The following EXT2 variants were observed in gnomAD, a reference collection of about 807,000 sequenced individuals.
The protein encoded by EXT2 is exostosin-2.
Under a neutral mutation model 81.6 loss-of-function variants are expected in EXT2, and 53 were observed. The ratio of observed to expected loss-of-function variants is 0.65; its 90% confidence interval spans 0.52 to 0.82. The LOEUF is 0.82. EXT2 is among the 40% of genes least tolerant of loss of function. The pLI, the probability that EXT2 is intolerant of heterozygous loss-of-function variation, is 0.00. For synonymous variants in EXT2, 320 were observed against 340.0 expected (o/e 0.94, Z 0.65); for missense variants, 774 against 910.2 (o/e 0.85, Z 1.93).
chr11:44,241,426 T>A (rs1208491563), intron 13 of EXT2, among the ~76,000 whole-genome samples: 1 of 152,230 alleles, frequency 6.6e-6, no homozygotes, highest in Non-Finnish European at 1.5e-5. Flanking sequence ...TATTAATATC[T>A]GTCAAATTAC....
chr11:44,181,216 C>G (rs1270644515), intron 8 of EXT2, among the ~76,000 whole-genome samples: 1 of 152,090 alleles, frequency 6.6e-6, no homozygotes, highest in African/African-American at 2.4e-5. Flanking sequence ...CCATTATCTT[C>G]TAAGTTTTTC....
chr11:44,182,649 C>G (rs984839500), intron 8 of EXT2, among the ~76,000 whole-genome samples: 2 of 152,128 alleles, frequency 1.3e-5, no homozygotes, highest in African/African-American at 4.8e-5. Context: ...TCCTTTTTCT[C>G]TGGGTACATG....
At chr11:44,217,015 C>T (rs747271427) in intron 10 of EXT2, among the ~76,000 whole-genome samples, 4 of 147,946 alleles carry the variant, frequency 2.7e-5, no homozygotes, top group South Asian at 2.3e-4. Context: ...GTGACCCACC[C>T]GAGGCCTCAC....
At chr11:44,119,122 A>AT (rs1163191238) in intron 4 of EXT2, among the ~76,000 whole-genome samples, 1 of 45,452 alleles carries the variant, frequency 2.2e-5, no homozygotes, top group African/African-American at 8.0e-5. Flanking sequence ...ACATTTGGCT[A>AT]TTTATATATA....
intron 9 of EXT2, among the ~76,000 whole-genome samples, chr11:44,201,556 C>T (rs894764737): frequency 6.6e-6 from 1 of 152,122 alleles, no homozygotes; most frequent in African/African-American, 2.4e-5. Flanking sequence ...AGCTCATGCC[C>T]TTTGCACTAA....
intron 8 of EXT2, among the ~76,000 whole-genome samples, chr11:44,174,662 A>G (rs976078454): frequency 2.6e-5 from 4 of 152,184 alleles, no homozygotes. Context: ...ATATACAATT[A>G]TATCTACAAA....
In EXT2 at chr11:44,220,972, A is replaced by G. The variant is rs1341509435; in HGVS notation, c.1663-11381A>G. ...ACATTGAAATAACATCTGATCATTGAAAAAAAGCACCTAGTTGGGAATTAC... is the reference window on the plus strand; with the variant it reads ...ACATTGAAATAACATCTGATCATTGGAAAAAAGCACCTAGTTGGGAATTAC... On this transcript the variant is annotated intron_variant, in intron 10 of 13. Coordinates refer to ENST00000533608, the MANE Select transcript of EXT2 (RefSeq NM_207122.2). This position sits in a 1 kb window ranked among gnomAD's most constrained non-coding sequence, Gnocchi z 4.4. Among the ~76,000 whole-genome samples the G allele has an allele frequency of 1.3e-5, 2 of 152,178 alleles. No individual in the cohort carries two copies. The highest frequency in any genetic ancestry group is 2.9e-5 in the Non-Finnish European group (2 of 68,032).
At chr11:44,132,948 A>G (rs1449967421) in intron 7 of EXT2, among the ~76,000 whole-genome samples, 1 of 152,170 alleles carries the variant, frequency 6.6e-6, no homozygotes, top group Non-Finnish European at 1.5e-5. Flanking sequence ...TAGATATGAG[A>G]TTATCTGGTT....
intron 9 of EXT2, among the ~76,000 whole-genome samples, chr11:44,203,493 G>A (rs976878586): frequency 6.6e-5 from 10 of 152,284 alleles, no homozygotes; most frequent in South Asian, 6.2e-4. Flanking sequence ...CCCCAGGAGT[G>A]TTATTGAACT....
At chr11:44,230,982 G>A (rs11603056) in intron 10 of EXT2, among the ~76,000 whole-genome samples, 2,379 of 152,154 alleles carry the variant, frequency 0.016, 35 homozygotes, top group Non-Finnish European at 0.025. Flanking sequence ...ATATATTTAG[G>A]GAAATCGATG....
At chr11:44,227,406 A>T (rs945191608) in intron 10 of EXT2, among the ~76,000 whole-genome samples, 43 of 152,254 alleles carry the variant, frequency 2.8e-4, no homozygotes, top group African/African-American at 1.0e-3. Context: ...GAGGAGGAAG[A>T]TAAAAAATCT....
intron 9 of EXT2, 144 bp from the exon 10 acceptor site, chr11:44,206,648 TC>T: frequency 1.3e-6 from 1 of 764,170 alleles, no homozygotes; most frequent in Non-Finnish European, 2.1e-6. Flanking sequence ...TGTGAGAATC[TC>T]CCCTGACACA....
At chr11:44,175,826 T>C (rs1565222793) in intron 8 of EXT2, among the ~76,000 whole-genome samples, 1 of 152,136 alleles carries the variant, frequency 6.6e-6, no homozygotes. Flanking sequence ...GGAGGAAGAT[T>C]GGCAGACTAG....
chr11:44,130,583 C>T (rs1429058384), intron 7 of EXT2, among the ~76,000 whole-genome samples: 1 of 152,224 alleles, frequency 6.6e-6, no homozygotes, highest in Non-Finnish European at 1.5e-5. Context: ...TCTTCTGGAA[C>T]ATTTGCCATT....
intron 1 of EXT2, among the ~76,000 whole-genome samples, chr11:44,099,089 C>A (rs1953945119): frequency 6.6e-6 from 1 of 152,162 alleles, no homozygotes; most frequent in African/African-American, 2.4e-5. Context: ...GCAGCCTCAA[C>A]CTCCCGGGTT....
chr11:44,186,311 A>G (rs1318791754), intron 8 of EXT2, among the ~76,000 whole-genome samples: 1 of 152,222 alleles, frequency 6.6e-6, no homozygotes, highest in Non-Finnish European at 1.5e-5. Flanking sequence ...TATTAAAAGT[A>G]TCAGCATATG....
intron 4 of EXT2, among the ~76,000 whole-genome samples, chr11:44,123,108 C>G (rs1450604274): frequency 6.6e-6 from 1 of 152,208 alleles, no homozygotes; most frequent in Non-Finnish European, 1.5e-5. Flanking sequence ...ACTAGTCTAG[C>G]TGGCTAGGCA....
intron 7 of EXT2, among the ~76,000 whole-genome samples, chr11:44,145,098 A>G (rs1189450996): frequency 6.6e-6 from 1 of 152,086 alleles, no homozygotes; most frequent in African/African-American, 2.4e-5. Flanking sequence ...AGACATAGAA[A>G]TAGCATGGAT....
intron 10 of EXT2, among the ~76,000 whole-genome samples, chr11:44,215,188 TGATA>T (rs1564979829): frequency 6.6e-6 from 1 of 152,234 alleles, no homozygotes; most frequent in Non-Finnish European, 1.5e-5. Context: ...CCTTTTGACT[TGATA>T]GATCAGGTCA....
Sources: allele counts gnomAD v4.1 joint callset (sites outside exome capture counted in the v4.1 genomes callset), GRCh38; gene constraint gnomAD v4.1.1; non-coding constraint Gnocchi (gnomAD v3.1); transcripts MANE v1.5; gene names NCBI Gene and HGNC (gene_info 2026-07-23, HGNC 2026-07-21).